Variants in MCU observed in about 807,000 individuals in gnomAD.
MCU encodes the protein mitochondrial calcium uniporter.
MCU carries 12 observed loss-of-function variants against 45.2 expected under a neutral mutation model. The observed-to-expected ratio is 0.27, with a 90% confidence interval of 0.17 to 0.43. The LOEUF is 0.43. MCU is among the 20% of genes least tolerant of loss of function. MCU has a pLI of 1.00. For missense variants in MCU, 324 were observed against 436.7 expected, an observed-to-expected ratio of 0.74 and a Z score of 2.30; for synonymous variants, 160 against 165.1, an observed-to-expected ratio of 0.97 and a Z score of 0.24.
chr10:72,743,889 A>C (rs1163217874), intron 1 of MCU, among the ~76,000 whole-genome samples: 1 of 152,138 alleles, frequency 6.6e-6, no homozygotes, highest in Non-Finnish European at 1.5e-5. Context: ...TGATTCTAAG[A>C]AGCTGAGGAG....
chr10:72,693,699 T>C (rs1842653559), intron 1 of MCU, among the ~76,000 whole-genome samples: 1 of 152,260 alleles, frequency 6.6e-6, no homozygotes, highest in Non-Finnish European at 1.5e-5. Flanking sequence ...ACTGGCATAT[T>C]GCTTTGCTGA....
intron 1 of MCU, among the ~76,000 whole-genome samples, chr10:72,724,511 CT>C (rs1411228264): frequency 6.6e-6 from 1 of 152,148 alleles, no homozygotes; most frequent in Non-Finnish European, 1.5e-5. Context: ...CCACCACCCC[CT>C]CCCCCACAAG....
chr10:72,719,745 A>G (rs1025998687), intron 1 of MCU, among the ~76,000 whole-genome samples: 9 of 152,228 alleles, frequency 5.9e-5, no homozygotes, highest in African/African-American at 2.2e-4. Context: ...TTTATATTAC[A>G]AACATACAAT....
At chr10:72,809,798 G>C (rs1410424222) in intron 1 of MCU, among the ~76,000 whole-genome samples, 1 of 152,128 alleles carries the variant, frequency 6.6e-6, no homozygotes, top group East Asian at 1.9e-4. Flanking sequence ...AGAGCAAGAA[G>C]GCAATAAAGG....
intron 2 of MCU, among the ~76,000 whole-genome samples, chr10:72,852,854 C>CTGAATATATGAATATA (rs1331157037): frequency 1.3e-5 from 2 of 152,230 alleles, no homozygotes; most frequent in African/African-American, 4.8e-5. Flanking sequence ...TAGAACATAA[C>CTGAATATATGAATATA]TATTGCCAGT....
At chr10:72,769,634 C>T (rs981898932) in intron 1 of MCU, among the ~76,000 whole-genome samples, 2 of 152,114 alleles carry the variant, frequency 1.3e-5, no homozygotes, top group Non-Finnish European at 2.9e-5. Context: ...ACAAACCATA[C>T]AATTCACCCA....
intron 4 of MCU, among the ~76,000 whole-genome samples, chr10:72,867,577 G>C (rs1281619005): frequency 1.3e-5 from 2 of 152,064 alleles, no homozygotes; most frequent in East Asian, 3.9e-4. Context: ...GAATGGGCCG[G>C]GTGCGGTGGC....
At chr10:72,884,505 T>C (rs1845750413) in intron 7 of MCU, 123 bp downstream of exon 7, 1 of 635,524 alleles carries the variant, frequency 1.6e-6, no homozygotes, top group Non-Finnish European at 2.8e-6. Context: ...TCTTCCTGTA[T>C]AAATTATTCC....
In MCU at chr10:72,692,202, C is replaced by A. The variant is rs755691155; in HGVS notation, c.51C>A (p.Gly17=). The change falls in exon 1 of 8, where the codon GGC becomes GGA. Residue 17 remains glycine, a synonymous_variant. Transcript: ENST00000373053. ...TCCTGCTGCTCCTCTCCTCTCGGGG[C>A]GGCGGCGGCGGGGGCGCCGGCGGCT... ...RSLLLLLSSR[G]GGGGGAGGCG... 7 of 1,253,306 alleles carry A rather than the reference C, an allele frequency of 5.6e-6. No homozygotes were observed. The highest frequency in any genetic ancestry group is 7.1e-6 in the Non-Finnish European group (7 of 992,010). 77.6% of individuals were successfully genotyped at this position (1,253,306 alleles called of 1,614,324 possible).
intron 1 of MCU, among the ~76,000 whole-genome samples, chr10:72,694,384 C>G (rs1455623216): frequency 6.6e-6 from 1 of 152,194 alleles, no homozygotes; most frequent in East Asian, 1.9e-4. Flanking sequence ...AGGACTCCCA[C>G]TCATCTGAGA....
intron 1 of MCU, among the ~76,000 whole-genome samples, chr10:72,741,204 A>AT (rs1321564694): frequency 6.7e-6 from 1 of 148,408 alleles, no homozygotes; most frequent in Non-Finnish European, 1.5e-5. Context: ...GGTTCAAGTG[A>AT]TTCCCCTGCC....
chr10:72,836,178 T>C (rs902436466), intron 2 of MCU, among the ~76,000 whole-genome samples: 5 of 152,180 alleles, frequency 3.3e-5, no homozygotes, highest in African/African-American at 1.2e-4. Context: ...CACTCAGTTT[T>C]GCTGAACTAT....
chr10:72,863,639 C>T (rs966716042), intron 4 of MCU, among the ~76,000 whole-genome samples: 4 of 152,090 alleles, frequency 2.6e-5, no homozygotes, highest in African/African-American at 4.8e-5. Flanking sequence ...ATTTTTGAGA[C>T]GGAGTCTCTC....
chr10:72,846,486 G>A (rs561323544), intron 2 of MCU, among the ~76,000 whole-genome samples: 18 of 152,262 alleles, frequency 1.2e-4, no homozygotes, highest in Middle Eastern at 3.4e-3. Flanking sequence ...TAGTCACTTA[G>A]TAGCTGTTTC....
At chr10:72,759,547 A>G (rs1304248135) in intron 1 of MCU, among the ~76,000 whole-genome samples, 1 of 152,140 alleles carries the variant, frequency 6.6e-6, no homozygotes, top group Non-Finnish European at 1.5e-5. Flanking sequence ...TCCTCCCTTA[A>G]TCTTATAAAC....
intron 1 of MCU, among the ~76,000 whole-genome samples, chr10:72,701,456 C>T (rs1190758581): frequency 6.6e-6 from 1 of 152,118 alleles, no homozygotes; most frequent in Admixed American, 6.5e-5. Context: ...CTTTCTGCTC[C>T]TTTAGCATGT....
At chr10:72,855,061 G>A (rs1845267110) in intron 2 of MCU, among the ~76,000 whole-genome samples, 1 of 152,068 alleles carries the variant, frequency 6.6e-6, no homozygotes, top group Admixed American at 6.6e-5. Flanking sequence ...GGCCAACATA[G>A]TGAAACCCTG....
intron 1 of MCU, among the ~76,000 whole-genome samples, chr10:72,702,591 GCTT>G (rs1481806182): frequency 6.6e-6 from 1 of 152,214 alleles, no homozygotes; most frequent in Non-Finnish European, 1.5e-5. Context: ...AAATGGCTGT[GCTT>G]CTTTTTTTTC....
intron 1 of MCU, among the ~76,000 whole-genome samples, chr10:72,725,438 A>G (rs1431961172): frequency 3.8e-3 from 1 of 264 alleles, no homozygotes; most frequent in Non-Finnish European, 8.1e-3. Flanking sequence ...CACCTGGCTA[A>G]TTTAAAAATG....
Sources: allele counts gnomAD v4.1 joint callset (sites outside exome capture counted in the v4.1 genomes callset), GRCh38; gene constraint gnomAD v4.1.1; transcripts MANE v1.5; gene names NCBI Gene and HGNC (gene_info 2026-07-23, HGNC 2026-07-21).